SLC26A4: variants seen among roughly 807,000 people sequenced by gnomAD.
The protein encoded by SLC26A4 is solute carrier family 26 member 4.
A neutral mutation model predicts 90.4 loss-of-function variants in SLC26A4; 93 were observed. That is an observed-to-expected ratio of 1.03 (90% CI 0.87 to 1.22). SLC26A4 has a LOEUF of 1.22. Ranked by LOEUF, SLC26A4 falls within the 50% of genes most tolerant of loss-of-function variation. The probability of loss-of-function intolerance (pLI) is 0.00; values close to 1 mark genes in which losing one functional copy is unlikely to be tolerated. For synonymous variants in SLC26A4, 393 were observed against 354.6 expected (o/e 1.11, Z -1.22); for missense variants, 1,127 against 946.2 (o/e 1.19, Z -2.51).
intron 13 of SLC26A4, among the ~76,000 whole-genome samples, chr7:107,697,002 A>G (rs1392270675): frequency 6.6e-6 from 1 of 152,048 alleles, no homozygotes; most frequent in Non-Finnish European, 1.5e-5. Context: ...CTCCTTCCCT[A>G]CCTTGGCATA....
intron 3 of SLC26A4, among the ~76,000 whole-genome samples, chr7:107,667,863 T>C (rs1790760948): frequency 2.0e-5 from 3 of 152,204 alleles, no homozygotes; most frequent in South Asian, 2.1e-4. Flanking sequence ...GGGTTTGAAA[T>C]TTTGATGAAA....
Position 107,661,479 on chromosome 7 carries a change from T to C in SLC26A4, c.-3-160T>C. ...GGCCGTGCGCGCCGTGGGGCGCTTGTCGCGAGCGCCGAGGGCTGCAGGACG... is the reference window on the plus strand; with the variant it reads ...GGCCGTGCGCGCCGTGGGGCGCTTGCCGCGAGCGCCGAGGGCTGCAGGACG... On this transcript the variant is annotated intron_variant, in intron 1 of 20. Coordinates refer to ENST00000644269, the MANE Select transcript of SLC26A4 (RefSeq NM_000441.2). The surrounding 1 kb of genome is among the most constrained non-coding windows in gnomAD (Gnocchi z 5.1). 1.2e-6 allele frequency: 1 copy of C among 817,652 alleles called. No individual in the cohort carries two copies. The highest frequency in any genetic ancestry group is 1.9e-6 in the Non-Finnish European group (1 of 515,258). 50.6% of individuals were successfully genotyped at this position (817,652 alleles called of 1,614,324 possible). A position where few individuals can be genotyped will look rare whatever the true frequency, so the allele number is the denominator to read the frequency against.
chr7:107,674,597 G>A (rs191954647), intron 5 of SLC26A4, among the ~76,000 whole-genome samples: 1 of 152,248 alleles, frequency 6.6e-6, no homozygotes, highest in Non-Finnish European at 1.5e-5. Context: ...ATTCAATTGA[G>A]GATGAGAGAA....
rs764312420 is a variant in SLC26A4 at position 107,680,254 on chromosome 7, TATATAATCTTATCTTATTATATA to T, written c.766-2912_766-2890del. ...AACTTATTATATAATATAATCTTAT[TATATAATCTTATCTTATTATATA>T]ATATAATCTTATCTTATTATATAAT... On this transcript the variant is annotated intron_variant, in intron 6 of 20. Transcript: ENST00000644269. 1.3e-4 allele frequency among the ~76,000 whole-genome samples: 16 copies of T among 124,570 alleles called. 1 individual carries two copies. The highest frequency in any genetic ancestry group is 1.1e-3 in the East Asian group (5 of 4,356). The allele number at this position is 124,570 out of a possible 152,430, so 81.7% of individuals were successfully genotyped here.
chr7:107,693,425 G>C lies in SLC26A4; in HGVS notation c.1264-978G>C, dbSNP rs149462881. 3.7e-5 allele frequency: 36 copies of C among 985,402 alleles called. 1 individual carries two copies. The East Asian group carries it at 3.6e-3, about 99-fold the overall frequency. 61.0% of individuals were successfully genotyped at this position (985,402 alleles called of 1,614,324 possible). On this transcript the variant is annotated intron_variant, in intron 10 of 20. Coordinates refer to ENST00000644269, the MANE Select transcript of SLC26A4 (RefSeq NM_000441.2). ...TTCTAATTTTCTGTTTATATTTGCT[G>C]TGTCTGTCTCCCGTAACTCAGACCT...
intron 8 of SLC26A4, among the ~76,000 whole-genome samples, chr7:107,686,441 C>CTTTCTTTCTTTTCTTTCTTTCTT (rs1554357989): frequency 2.6e-5 from 3 of 116,726 alleles, no homozygotes; most frequent in Admixed American, 9.4e-5. Context: ...TTCTTTCTTT[C>CTTTCTTTCTTTTCTTTCTTTCTT]TTTCTTTCTT....
chr7:107,697,729 T>C (rs2129317472), intron 13 of SLC26A4, among the ~76,000 whole-genome samples: 1 of 152,390 alleles, frequency 6.6e-6, no homozygotes, highest in East Asian at 1.9e-4. Flanking sequence ...TTCAGGGTTA[T>C]GGCAGGGCTT....
intron 16 of SLC26A4, 96 bp from the exon 17 acceptor site, chr7:107,701,731 A>G (rs1459737541): frequency 7.0e-6 from 6 of 853,292 alleles, no homozygotes; most frequent in African/African-American, 3.4e-5. Context: ...CTTGCTTACC[A>G]AGGAACAGTG....
chr7:107,698,284 G>A (rs1398929268), intron 14 of SLC26A4, among the ~76,000 whole-genome samples, 173 bp downstream of exon 14: 1 of 151,938 alleles, frequency 6.6e-6, no homozygotes, highest in Non-Finnish European at 1.5e-5. Flanking sequence ...GACACCCATG[G>A]CTTATGTGAA....
chr7:107,706,306 G>A (rs534965991), intron 18 of SLC26A4, among the ~76,000 whole-genome samples: 28 of 152,300 alleles, frequency 1.8e-4, no homozygotes, highest in African/African-American at 6.0e-4. Context: ...TGCCAAGCCT[G>A]GCGAGGTATT....
intron 20 of SLC26A4, among the ~76,000 whole-genome samples, chr7:107,713,521 C>T (rs1410513650): frequency 1.3e-5 from 2 of 152,204 alleles, no homozygotes; most frequent in Non-Finnish European, 1.5e-5. Context: ...AGCAGACTCT[C>T]TTCCAGTTGA....
intron 3 of SLC26A4, among the ~76,000 whole-genome samples, chr7:107,665,801 A>G (rs1790693910): frequency 6.6e-6 from 1 of 152,226 alleles, no homozygotes; most frequent in African/African-American, 2.4e-5. Flanking sequence ...GAAAAAATCT[A>G]TTAAATCTTG....
Position 107,674,624 on chromosome 7 carries a change from T to G in SLC26A4, c.600+276T>G, listed in dbSNP as rs558029798. Among the ~76,000 whole-genome samples, 65 of 152,232 alleles carry G rather than the reference T, an allele frequency of 4.3e-4. No individual in the cohort carries two copies. The Middle Eastern group carries it at 0.014, about 32-fold the overall frequency. On this transcript the variant is annotated intron_variant, in intron 5 of 20. Coordinates refer to ENST00000644269, the MANE Select transcript of SLC26A4 (RefSeq NM_000441.2). The stretch of plus-strand genomic sequence containing the variant: ...ATGAGAGAAGGGAAATATACGGGAA[T>G]CCATAAAGGAGAAAAAGTGTTCTGG...
chr7:107,686,430 TTTC>T (rs1243154178), intron 8 of SLC26A4, among the ~76,000 whole-genome samples: 15 of 87,610 alleles, frequency 1.7e-4, no homozygotes, highest in Admixed American at 5.6e-4. Context: ...TCTTTCTTTC[TTTC>T]TTTCTTTCTT....
At chr7:107,697,780 A>G (rs1187360160) in intron 13 of SLC26A4, among the ~76,000 whole-genome samples, 3 of 152,234 alleles carry the variant, frequency 2.0e-5, no homozygotes, top group Non-Finnish European at 4.4e-5. Flanking sequence ...TGCTTATCCT[A>G]TAACGTGTTG....
chr7:107,673,240 C>T (rs759903013), intron 4 of SLC26A4, among the ~76,000 whole-genome samples: 101 of 151,818 alleles, frequency 6.7e-4, no homozygotes, highest in Non-Finnish European at 1.0e-3. Flanking sequence ...TCATCATCAT[C>T]GTCATGGATA....
intron 18 of SLC26A4, among the ~76,000 whole-genome samples, chr7:107,706,345 G>C (rs920434700): frequency 6.6e-6 from 1 of 152,210 alleles, no homozygotes; most frequent in African/African-American, 2.4e-5. Flanking sequence ...CTACTTGGGA[G>C]GCTGAGGTGA....
intron 6 of SLC26A4, among the ~76,000 whole-genome samples, chr7:107,682,133 T>TAAAAAAAA (rs1401520972): frequency 9.8e-5 from 4 of 40,916 alleles, no homozygotes; most frequent in African/African-American, 2.8e-4. Context: ...AAAAAAAATT[T>TAAAAAAAA]TTTTTATGTT....
chr7:107,671,089 G>A (rs1464226530), intron 3 of SLC26A4, among the ~76,000 whole-genome samples: 4 of 152,226 alleles, frequency 2.6e-5, no homozygotes, highest in South Asian at 2.1e-4. Flanking sequence ...TCAGAACGCA[G>A]AGAAATATTG....
Sources: gnomAD v4.1 joint callset for allele counts (sites outside exome capture counted in the v4.1 genomes callset) on GRCh38, gnomAD v4.1.1 for gene constraint, Gnocchi (gnomAD v3.1) non-coding constraint, MANE v1.5 for transcripts, NCBI Gene and HGNC (gene_info 2026-07-23, HGNC 2026-07-21) for gene names.